MAPK8IP3: variants seen among roughly 807,000 people sequenced by gnomAD.
MAPK8IP3 encodes the protein C-Jun-amino-terminal kinase-interacting protein 3.
A neutral mutation model predicts 157.8 loss-of-function variants in MAPK8IP3; 49 were observed. The ratio of observed to expected loss-of-function variants is 0.31; its 90% CI spans 0.25 to 0.39. MAPK8IP3 has a LOEUF of 0.39. Among genes scored for constraint, MAPK8IP3 ranks in the 10% least tolerant of loss-of-function variants. MAPK8IP3 has a pLI of 1.00. For missense variants in MAPK8IP3, 1,478 were observed against 1,889.4 expected (o/e 0.78, Z 4.04); for synonymous variants, 897 against 777.7 (o/e 1.15, Z -2.55).
At chr16:1,728,137 A>G (rs1450491635) in intron 2 of MAPK8IP3, among the ~76,000 whole-genome samples, 1 of 152,170 alleles carries the variant, frequency 6.6e-6, no homozygotes, top group Admixed American at 6.5e-5. Context: ...CGGGACATAG[A>G]GTGGGGTCCC....
chr16:1,750,030 C>T (rs1167180790), intron 8 of MAPK8IP3, among the ~76,000 whole-genome samples: 3 of 152,072 alleles, frequency 2.0e-5, no homozygotes, highest in Admixed American at 6.5e-5. Flanking sequence ...GAGATCAGGA[C>T]GGCGGTGAGG....
intron 16 of MAPK8IP3, 74 bp from the exon 17 acceptor site, chr16:1,763,583 C>T: frequency 1.4e-6 from 2 of 1,406,558 alleles, no homozygotes; most frequent in Non-Finnish European, 1.9e-6. Flanking sequence ...CGTGACCTCC[C>T]CCAGGACAAG....
chr16:1,768,871 C>T lies in MAPK8IP3; in HGVS notation c.*47C>T. On this transcript the variant is annotated 3_prime_UTR_variant, in exon 32 of 32. Transcript: ENST00000610761. ...GACCTGTACATAGGACCCCCGACCACCTGACCCCCGCCCGGCCCGCGGGGT... is the reference window on the plus strand; with the variant it reads ...GACCTGTACATAGGACCCCCGACCATCTGACCCCCGCCCGGCCCGCGGGGT... 1 of 1,598,004 alleles carries T rather than the reference C, an allele frequency of 6.3e-7. No homozygotes were observed. Among genetic ancestry groups the T allele is most frequent in the Non-Finnish European group, 8.5e-7 (1 of 1,172,930 alleles).
chr16:1,760,072 G>A lies in MAPK8IP3; in HGVS notation c.1304+57G>A, dbSNP rs924531293. 8 of 1,596,970 alleles carry A rather than the reference G, an allele frequency of 5.0e-6. No individual in the cohort carries two copies. In the African/African-American group the frequency reaches 6.7e-5, roughly 13 times the overall value. ...TGAGGCAGCCCTCCTTGTCAGGGCT[G>A]GGAGAGTGAGCCGGGCCAGAGGGCG... On this transcript the variant is annotated intron_variant, in intron 11 of 31. Transcript: ENST00000610761.
intron 8 of MAPK8IP3, among the ~76,000 whole-genome samples, chr16:1,756,662 AC>A (rs2041617897): frequency 7.1e-6 from 1 of 140,774 alleles, no homozygotes; most frequent in Non-Finnish European, 1.6e-5. Flanking sequence ...ACACACACAC[AC>A]ACACACAAAT....
At chr16:1,768,134 C>A (rs745431137) in intron 29 of MAPK8IP3, 27 bp downstream of exon 29, 1 of 1,612,152 alleles carries the variant, frequency 6.2e-7, no homozygotes, top group South Asian at 1.1e-5. Context: ...CGTGTCCCCT[C>A]ACGGGAGCCT....
chr16:1,724,775 C>G lies in MAPK8IP3; in HGVS notation c.439+98C>G, dbSNP rs1175718199. The stretch of plus-strand genomic sequence containing the variant: ...ATGGAGCGCCTTCCACACAAGGGGA[C>G]GAGAGGAAGCCCAGTGGGAGCCTCA... On this transcript the variant is annotated intron_variant, in intron 2 of 31. Transcript: ENST00000610761. This position sits in a 1 kb window ranked among gnomAD's most constrained non-coding sequence, Gnocchi z 4.1. 1 of 1,488,678 alleles carries G rather than the reference C, an allele frequency of 6.7e-7. No homozygotes were observed. Among genetic ancestry groups the G allele is most frequent in the African/African-American group, 1.4e-5 (1 of 71,862 alleles). 92.2% of individuals were successfully genotyped at this position (1,488,678 alleles called of 1,614,324 possible). A position where few individuals can be genotyped will look rare whatever the true frequency, so the allele number is the denominator to read the frequency against.
chr16:1,728,424 T>C (rs374854198), intron 2 of MAPK8IP3, among the ~76,000 whole-genome samples: 201 of 152,348 alleles, frequency 1.3e-3, no homozygotes, highest in African/African-American at 4.7e-3. Flanking sequence ...CTTGTGCACC[T>C]GTTGCCTGTG....
intron 7 of MAPK8IP3, 101 bp from the exon 8 acceptor site, chr16:1,748,501 T>C (rs369875593): frequency 1.6e-5 from 19 of 1,170,422 alleles, no homozygotes; most frequent in Admixed American, 7.5e-5. Context: ...AGTGTGGGCA[T>C]TGAATGGCCA....
intron 8 of MAPK8IP3, among the ~76,000 whole-genome samples, chr16:1,754,900 C>T (rs1447196193): frequency 6.6e-6 from 1 of 152,172 alleles, no homozygotes; most frequent in Non-Finnish European, 1.5e-5. Flanking sequence ...GACCTGAAGA[C>T]ACACCCTGTG....
At chr16:1,747,303 C>A in intron 6 of MAPK8IP3, 28 bp downstream of exon 6, 1 of 1,604,754 alleles carries the variant, frequency 6.2e-7, no homozygotes, top group Non-Finnish European at 8.5e-7. Context: ...GGACTCTGGG[C>A]TCCCTCGGGC....
At chr16:1,767,445 C>A (rs1301221893) in intron 26 of MAPK8IP3, 119 bp from the exon 27 acceptor site, 6 of 1,499,682 alleles carry the variant, frequency 4.0e-6, no homozygotes, top group African/African-American at 1.4e-5. Flanking sequence ...AGGCGCAAAG[C>A]AGGCGCTGGC....
chr16:1,763,949 G>A (rs1459795320), intron 17 of MAPK8IP3, 166 bp downstream of exon 17: 2 of 1,056,066 alleles, frequency 1.9e-6, no homozygotes, highest in South Asian at 1.7e-5. Flanking sequence ...CCTGGGCAGG[G>A]GTCTGGAGGG....
At chr16:1,768,657 TGG>T in intron 31 of MAPK8IP3, 31 bp downstream of exon 31, 1 of 1,611,016 alleles carries the variant, frequency 6.2e-7, no homozygotes, top group Non-Finnish European at 8.5e-7. Context: ...GGGCTGAGGT[TGG>T]GCGCGGGGGG....
rs183338486 is a variant in MAPK8IP3, at chr16:1,727,478, C to T, written c.440-1660C>T. On this transcript the variant is annotated intron_variant, in intron 2 of 31. Transcript: ENST00000610761. Reference sequence around the variant, plus strand: ...TGTGTTGTGTGCGGTGTCTGTACATCGTGTGTCAGGTGCAGCGTCTGTAAG... The same window carrying T: ...TGTGTTGTGTGCGGTGTCTGTACATTGTGTGTCAGGTGCAGCGTCTGTAAG... Among the ~76,000 whole-genome samples the T allele has an allele frequency of 3.3e-5, 5 of 152,118 alleles. No homozygotes were observed. The East Asian group carries it at 5.8e-4, about 18-fold the overall frequency.
rs768454059 is a variant in MAPK8IP3 at position 1,747,036 on chromosome 16, A to G, written c.755A>G (p.Gln252Arg). 1 of 1,613,486 alleles carries G rather than the reference A, an allele frequency of 6.2e-7. No homozygotes were observed. The highest frequency in any genetic ancestry group is 1.1e-5 in the South Asian group (1 of 91,062). Residue 252 changes from glutamine (Q) to arginine (R), a missense_variant, in exon 6 of 32, where the codon CAG becomes CGG. By Grantham distance (43) the Gln-to-Arg change is conservative (BLOSUM62 1). Coordinates refer to ENST00000610761, the MANE Select transcript of MAPK8IP3 (RefSeq NM_001318852.2). Reference sequence around the variant, plus strand: ...CCCTGTGTTTGGCCTTAGTGTCCACAGGATGAAATGTCCGAGTCAGGCCAG... The same window carrying G: ...CCCTGTGTTTGGCCTTAGTGTCCACGGGATGAAATGTCCGAGTCAGGCCAG... ...LQSSSSYQCP[Q>R]DEMSESGQSS...
At chr16:1,727,071 C>T (rs998500642) in intron 2 of MAPK8IP3, among the ~76,000 whole-genome samples, 3 of 143,362 alleles carry the variant, frequency 2.1e-5, no homozygotes, top group Non-Finnish European at 4.5e-5. Flanking sequence ...GTGTTGTGTG[C>T]TGTGTGTGGC....
At chr16:1,709,858 GTGGTCATTATT>G (rs1328003062) in intron 1 of MAPK8IP3, among the ~76,000 whole-genome samples, 1 of 152,190 alleles carries the variant, frequency 6.6e-6, no homozygotes, top group African/African-American at 2.4e-5. Context: ...GTGAATATTA[GTGGTCATTATT>G]TGCCTTAAAA....
intron 9 of MAPK8IP3, among the ~76,000 whole-genome samples, chr16:1,758,771 G>T (rs1240767139): frequency 1.3e-5 from 2 of 152,212 alleles, no homozygotes; most frequent in Non-Finnish European, 2.9e-5. Context: ...TAACCCCAAG[G>T]ATAAACTTTC....
Sources: allele counts gnomAD v4.1 joint callset (sites outside exome capture counted in the v4.1 genomes callset), GRCh38; gene constraint gnomAD v4.1.1; non-coding constraint Gnocchi (gnomAD v3.1); transcripts MANE v1.5; gene names NCBI Gene and HGNC (gene_info 2026-07-23, HGNC 2026-07-21).